Variants in SATB2 observed in about 807,000 individuals in gnomAD.
SATB2 encodes DNA-binding protein SATB2.
In SATB2, 1 loss-of-function variant was observed where a neutral mutation model predicts 73.4. The observed-to-expected ratio is 0.01, with a 90% CI of 0.00 to 0.06. The LOEUF is 0.06. Ranked by LOEUF, SATB2 falls within the 10% of genes least tolerant of loss-of-function variation. SATB2 has a pLI of 1.00. For synonymous variants in SATB2, 397 were observed against 367.0 expected, an observed-to-expected ratio of 1.08 and a Z score of -0.93; for missense variants, 459 against 945.8, an observed-to-expected ratio of 0.49 and a Z score of 6.75.
chr2:199,357,801 TC>T (rs1689030040), intron 6 of SATB2, among the ~76,000 whole-genome samples: 1 of 152,088 alleles, frequency 6.6e-6, no homozygotes, highest in African/African-American at 2.4e-5. Flanking sequence ...CAGCATGGAC[TC>T]CCACCTGACT....
At chr2:199,279,719 T>A (rs561148557) in intron 10 of SATB2, among the ~76,000 whole-genome samples, 212 of 152,358 alleles carry the variant, frequency 1.4e-3, no homozygotes, top group Middle Eastern at 6.8e-3. Context: ...ATGACTTTTA[T>A]CCACGTTTAT....
chr2:199,272,616 T>C lies in SATB2; in HGVS notation c.1797A>G (p.Glu599=). Residue 599 remains glutamate (E), a synonymous_variant, in exon 11 of 11, where the codon GAA becomes GAG. Coordinates refer to ENST00000417098, the MANE Select transcript of SATB2 (RefSeq NM_001172509.2). This position sits in a 1 kb window ranked among gnomAD's most constrained non-coding sequence, Gnocchi z 6.7. The part of the protein sequence containing the change: ...PAKESSPPRE[E]APPPPPPTED... ...CAGTCGGAGGAGGTGGGGGAGGCGC[T>C]TCTTCTCTGGGAGGGGAACTCTCCT... 6.2e-7 allele frequency: 1 copy of C among 1,614,074 alleles called. No individual in the cohort carries two copies. Among genetic ancestry groups the C allele is most frequent in the Non-Finnish European group, 8.5e-7 (1 of 1,180,006 alleles).
At chr2:199,401,578 T>C (rs1574592535) in intron 3 of SATB2, among the ~76,000 whole-genome samples, 1 of 149,446 alleles carries the variant, frequency 6.7e-6, no homozygotes, top group South Asian at 2.1e-4. Flanking sequence ...AATAATAGGA[T>C]GTTATGAGAA....
chr2:199,311,156 T>A (rs1327271396), intron 9 of SATB2, among the ~76,000 whole-genome samples: 1 of 152,146 alleles, frequency 6.6e-6, no homozygotes, highest in East Asian at 1.9e-4. Flanking sequence ...AATTAATTTC[T>A]GGCACAGGGA....
At chr2:199,429,019 A>G (rs1452845461) in intron 3 of SATB2, among the ~76,000 whole-genome samples, 2 of 151,602 alleles carry the variant, frequency 1.3e-5, no homozygotes, top group Non-Finnish European at 2.9e-5. Flanking sequence ...AAAAAAAAAA[A>G]AAAAGAAAGA....
chr2:199,317,753 C>G lies in SATB2; in HGVS notation c.1542+6050G>C, dbSNP rs554663062. 3.4e-4 allele frequency among the ~76,000 whole-genome samples: 51 copies of G among 151,896 alleles called. No homozygotes were observed. The East Asian group carries it at 9.7e-3, about 29-fold the overall frequency. On this transcript the variant is annotated intron_variant, in intron 9 of 10. Transcript: ENST00000417098. ...CTTATGGGAATGTCTGAGGAGATTC[C>G]TTCACTAGAATCTGATTTCTTGAGA...
chr2:199,305,931 A>C (rs909299875), intron 10 of SATB2, among the ~76,000 whole-genome samples: 8 of 151,068 alleles, frequency 5.3e-5, no homozygotes, highest in African/African-American at 1.9e-4. Context: ...CTTAATAATC[A>C]CTGATTTTAC....
intron 10 of SATB2, among the ~76,000 whole-genome samples, chr2:199,304,696 A>C (rs1687381927): frequency 6.6e-6 from 1 of 152,180 alleles, no homozygotes; most frequent in South Asian, 2.1e-4. Flanking sequence ...TAGCTTACGA[A>C]GTGTGTTCAG....
intron 6 of SATB2, among the ~76,000 whole-genome samples, chr2:199,358,559 G>A (rs1689052315): frequency 6.6e-6 from 1 of 152,130 alleles, no homozygotes; most frequent in Non-Finnish European, 1.5e-5. Context: ...TCTCTGGGTT[G>A]AGAACTTGCT....
At chr2:199,444,035 T>G (rs1691895643) in intron 2 of SATB2, among the ~76,000 whole-genome samples, 1 of 152,188 alleles carries the variant, frequency 6.6e-6, no homozygotes. Context: ...AGTATATATG[T>G]AGTGCCTGTG....
At chr2:199,335,244 T>A (rs2105805037) in intron 7 of SATB2, among the ~76,000 whole-genome samples, 1 of 152,300 alleles carries the variant, frequency 6.6e-6, no homozygotes, top group East Asian at 1.9e-4. Context: ...AGCCTATGCA[T>A]GTGGCATTTT....
intron 7 of SATB2, among the ~76,000 whole-genome samples, chr2:199,330,073 T>C (rs1186828742): frequency 6.6e-6 from 1 of 152,160 alleles, no homozygotes. Context: ...GTAGAACAGA[T>C]GCCAAAGACA....
intron 3 of SATB2, among the ~76,000 whole-genome samples, chr2:199,413,901 T>C (rs1261883318): frequency 6.6e-6 from 1 of 152,144 alleles, no homozygotes; most frequent in Non-Finnish European, 1.5e-5. Context: ...ATAAAACTCC[T>C]GTTTGGTTAA....
rs577502075 is a variant in SATB2, at chr2:199,291,867, C to T, written c.1740+16893G>A. Among the ~76,000 whole-genome samples the T allele has an allele frequency of 2.7e-4, 41 of 151,680 alleles. 1 individual carries two copies. The highest frequency in any genetic ancestry group is 8.9e-4 in the African/African-American group (37 of 41,366). On this transcript the variant is annotated intron_variant, in intron 10 of 10. Transcript: ENST00000417098. Reference sequence around the variant, plus strand: ...CGGAGGTTGCAATGAGCCAAGATCACGCCACTGCACTCCAGCCTGGGGGAC... The same window carrying T: ...CGGAGGTTGCAATGAGCCAAGATCATGCCACTGCACTCCAGCCTGGGGGAC...
intron 2 of SATB2, among the ~76,000 whole-genome samples, chr2:199,436,529 A>G: frequency 6.6e-6 from 1 of 152,270 alleles, no homozygotes; most frequent in East Asian, 1.9e-4. Flanking sequence ...TCTGCAGAAC[A>G]TATACATGAG....
chr2:199,289,629 G>A (rs779378357), intron 10 of SATB2, among the ~76,000 whole-genome samples: 8 of 152,094 alleles, frequency 5.3e-5, no homozygotes, highest in African/African-American at 1.2e-4. Context: ...AATACGCTTC[G>A]GGGTGGATTT....
At chr2:199,337,734 A>G (rs1306212156) in intron 7 of SATB2, among the ~76,000 whole-genome samples, 1 of 152,204 alleles carries the variant, frequency 6.6e-6, no homozygotes, top group Non-Finnish European at 1.5e-5. Flanking sequence ...AGAACTGTAT[A>G]CAGAATTGAA....
At chr2:199,373,412 A>G (rs1406099048) in intron 5 of SATB2, among the ~76,000 whole-genome samples, 1 of 152,158 alleles carries the variant, frequency 6.6e-6, no homozygotes, top group African/African-American at 2.4e-5. Flanking sequence ...GCAGCCTTCT[A>G]CTATCCCTCT....
intron 10 of SATB2, among the ~76,000 whole-genome samples, chr2:199,288,599 T>G (rs1692753874): frequency 6.6e-6 from 1 of 152,214 alleles, no homozygotes; most frequent in South Asian, 2.1e-4. Context: ...TATTAGATGT[T>G]CACCAAGAAA....
Sources: gnomAD v4.1 joint callset for allele counts (sites outside exome capture counted in the v4.1 genomes callset) on GRCh38, gnomAD v4.1.1 for gene constraint, Gnocchi (gnomAD v3.1) non-coding constraint, MANE v1.5 for transcripts, NCBI Gene and HGNC (gene_info 2026-07-23, HGNC 2026-07-21) for gene names.